Variants in TBC1D9 observed in about 807,000 individuals in gnomAD.
The protein encoded by TBC1D9 is TBC1 domain family member 9, also known as TBC1 domain family member 9A.
A neutral mutation model predicts 132.0 loss-of-function variants in TBC1D9; 63 were observed. The observed-to-expected ratio is 0.48, with a 90% CI of 0.39 to 0.59. TBC1D9 has a LOEUF of 0.59. Among genes scored for constraint, TBC1D9 ranks in the 20% least tolerant of loss-of-function variants. The pLI is 0.00. For synonymous variants in TBC1D9, 610 were observed against 609.9 expected, an observed-to-expected ratio of 1.00 and a Z score of 0.00; for missense variants, 1,261 against 1,592.7, an observed-to-expected ratio of 0.79 and a Z score of 3.54.
At position 140,620,844 on chromosome 4, in the gene TBC1D9, T is replaced by C. The variant is rs1204300586; in HGVS notation, c.*1351A>G. Reference sequence around the variant, plus strand: ...CCTATTTGAGGTTAACACTACTTCATTTGACAGTTTAAAAATCATCCTGTA... The same window carrying C: ...CCTATTTGAGGTTAACACTACTTCACTTGACAGTTTAAAAATCATCCTGTA... On this transcript the variant is annotated 3_prime_UTR_variant, in exon 21 of 21. Transcript: ENST00000442267. The C allele has an allele frequency of 6.6e-6, 1 of 152,616 alleles. No homozygotes were observed. Among genetic ancestry groups the C allele is most frequent in the African/African-American group, 2.4e-5 (1 of 41,446 alleles). 9.5% of individuals were successfully genotyped at this position (152,616 alleles called of 1,614,324 possible).
Position 140,622,316 on chromosome 4 carries a change from A to C in TBC1D9, c.3680T>G (p.Val1227Gly), listed in dbSNP as rs758690641. 3.1e-6 allele frequency: 5 copies of C among 1,613,630 alleles called. No individual in the cohort carries two copies. In the African/African-American group the frequency reaches 5.3e-5, roughly 17 times the overall value. Residue 1227 changes from valine to glycine, a missense_variant, in exon 21 of 21, where the codon GTC (valine) becomes GGC (glycine). By Grantham distance (109) the Val-to-Gly change is moderately radical (BLOSUM62 -3). This residue lies in a region of TBC1D9 where 618 missense variants were observed against 724.4 expected (regional missense o/e 0.85). Transcript: ENST00000442267. ...GCACACGGGCTTGTCAAAGTACTTG[A>C]CCAGGGCAGGCTCAGTTAAGAGGGA... ...LASLLTEPAL[V>G]KYFDKPVCMM... is the part of the protein sequence containing the mutation.
At chr4:140,665,802 G>C (rs1238078952) in intron 9 of TBC1D9, among the ~76,000 whole-genome samples, 1 of 151,968 alleles carries the variant, frequency 6.6e-6, no homozygotes, top group East Asian at 1.9e-4. Flanking sequence ...TCAGATTCTT[G>C]AGTAGCTGGG....
intron 13 of TBC1D9, chr4:140,642,658 C>G: frequency 1.4e-6 from 1 of 695,644 alleles, no homozygotes; most frequent in East Asian, 2.5e-5. Context: ...CATCCCAAGT[C>G]TGGTTCCTCT....
chr4:140,736,014 A>C lies in TBC1D9; in HGVS notation c.130+19902T>G, dbSNP rs1738668201. 2.6e-5 allele frequency among the ~76,000 whole-genome samples: 4 copies of C among 152,224 alleles called. No homozygotes were observed. In the South Asian group the frequency reaches 8.3e-4, roughly 31 times the overall value. ...GCTTTTCTGGGCAAACACACCCTGAAACTGGAATGATACTGACAAGATTAT... is the reference window on the plus strand; with the variant it reads ...GCTTTTCTGGGCAAACACACCCTGACACTGGAATGATACTGACAAGATTAT... On this transcript the variant is annotated intron_variant, in intron 1 of 20. Transcript: ENST00000442267.
chr4:140,645,713 T>C (rs908684653), intron 13 of TBC1D9, among the ~76,000 whole-genome samples: 1 of 152,182 alleles, frequency 6.6e-6, no homozygotes, highest in African/African-American at 2.4e-5. Context: ...CCTTTCACAA[T>C]GCCCTCTCTG....
intron 1 of TBC1D9, among the ~76,000 whole-genome samples, chr4:140,741,303 C>A (rs924502855): frequency 1.3e-5 from 2 of 152,196 alleles, no homozygotes; most frequent in African/African-American, 4.8e-5. Context: ...AGTGGCCCTG[C>A]AAAGCTATCT....
chr4:140,700,516 C>T (rs1738050487), intron 2 of TBC1D9, among the ~76,000 whole-genome samples: 1 of 151,432 alleles, frequency 6.6e-6, no homozygotes, highest in Admixed American at 6.6e-5. Context: ...CCAATAAAAG[C>T]AAGATTAAAA....
intron 1 of TBC1D9, among the ~76,000 whole-genome samples, chr4:140,730,170 G>A (rs1034255800): frequency 4.6e-5 from 7 of 152,190 alleles, no homozygotes; most frequent in Non-Finnish European, 7.3e-5. Context: ...TTTTCTAAGA[G>A]TTGAATCCTT....
chr4:140,669,840 C>T, intron 7 of TBC1D9, 36 bp from the exon 8 acceptor site: 1 of 1,581,364 alleles, frequency 6.3e-7, no homozygotes, highest in Non-Finnish European at 8.7e-7. Flanking sequence ...ATTGGGAGGA[C>T]ACGGGCAATA....
At chr4:140,628,071 C>CCTGCT (rs1377909803) in intron 17 of TBC1D9, among the ~76,000 whole-genome samples, 4 of 152,162 alleles carry the variant, frequency 2.6e-5, no homozygotes, top group Admixed American at 6.5e-5. Context: ...CAGATGCCTG[C>CCTGCT]CTGCTCTTTT....
chr4:140,676,781 A>G (rs1267980324), intron 6 of TBC1D9, 113 bp downstream of exon 6: 3 of 1,403,306 alleles, frequency 2.1e-6, no homozygotes, highest in South Asian at 1.4e-5. Context: ...CCAAAGACGC[A>G]TGAACATTCA....
chr4:140,754,217 T>A (rs180918163), intron 1 of TBC1D9, among the ~76,000 whole-genome samples: 9 of 152,256 alleles, frequency 5.9e-5, no homozygotes, highest in African/African-American at 1.7e-4. Context: ...CACAGGTAAA[T>A]GAATACTTAA....
intron 1 of TBC1D9, among the ~76,000 whole-genome samples, chr4:140,709,242 T>TCACACACACACA (rs1351887682): frequency 9.4e-6 from 1 of 106,858 alleles, no homozygotes; most frequent in African/African-American, 4.3e-5. Context: ...TCTCTCTCTC[T>TCACACACACACA]CTCTCTCACA....
intron 13 of TBC1D9, chr4:140,644,002 G>A: frequency 1.9e-6 from 1 of 521,946 alleles, no homozygotes. Context: ...TCCCGCAGCG[G>A]CTCTGGGATC....
intron 16 of TBC1D9, 83 bp downstream of exon 16, chr4:140,633,865 T>G: frequency 6.5e-7 from 1 of 1,535,650 alleles, no homozygotes; most frequent in Non-Finnish European, 8.8e-7. Context: ...CTTGTGCTTC[T>G]GTAGCCCTGA....
intron 1 of TBC1D9, among the ~76,000 whole-genome samples, chr4:140,754,633 A>AAG (rs1214947254): frequency 1.3e-5 from 2 of 150,008 alleles, no homozygotes; most frequent in Non-Finnish European, 3.0e-5. Context: ...AAAAAAAAAA[A>AAG]AAAAAAAAAA....
At position 140,679,814 on chromosome 4, in the gene TBC1D9, A is replaced by G. The variant is rs548757847; in HGVS notation, c.390T>C (p.Asn130=). ...CCGTGTCATCATCTTCCTTTACATCATTGATTTTGTTGTATTCTGCAATGA... is the reference window on the plus strand; with the variant it reads ...CCGTGTCATCATCTTCCTTTACATCGTTGATTTTGTTGTATTCTGCAATGA... ...QGIIAEYNKI[N]DVKEDDDTEK... The change falls in exon 4 of 21, where the codon AAT becomes AAC. Residue 130 remains asparagine (N), a synonymous_variant. Coordinates refer to ENST00000442267, the MANE Select transcript of TBC1D9 (RefSeq NM_015130.3). 3 of 1,613,388 alleles carry G rather than the reference A, an allele frequency of 1.9e-6. No individual in the cohort carries two copies. In the Admixed American group the frequency reaches 5.0e-5, roughly 27 times the overall value.
rs531691796 is a variant in TBC1D9, at chr4:140,706,912, A to G, written c.131-5298T>C. Among the ~76,000 whole-genome samples, 1 of 152,316 alleles carries G rather than the reference A, an allele frequency of 6.6e-6. No homozygotes were observed. The highest frequency in any genetic ancestry group is 2.1e-4 in the South Asian group (1 of 4,822). Reference sequence around the variant, plus strand: ...TTTCCTAGTAAAGGACATTGGATCTATCCACACTTTTTGCTCTATTATGCA... The same window carrying G: ...TTTCCTAGTAAAGGACATTGGATCTGTCCACACTTTTTGCTCTATTATGCA... On this transcript the variant is annotated intron_variant, in intron 1 of 20. Transcript: ENST00000442267. This position sits in a 1 kb window ranked among gnomAD's most constrained non-coding sequence, Gnocchi z 4.0.
chr4:140,649,341 GC>G (rs1737150837), intron 13 of TBC1D9, among the ~76,000 whole-genome samples: 2 of 152,214 alleles, frequency 1.3e-5, no homozygotes, highest in Non-Finnish European at 2.9e-5. Context: ...TGCTCAAAAT[GC>G]CTCTTTGGTG....
Sources: gnomAD v4.1 joint callset for allele counts (sites outside exome capture counted in the v4.1 genomes callset) on GRCh38, gnomAD v4.1.1 for gene constraint, gnomAD v4.1.1 regional missense constraint, Gnocchi (gnomAD v3.1) non-coding constraint, MANE v1.5 for transcripts, NCBI Gene and HGNC (gene_info 2026-07-23, HGNC 2026-07-21) for gene names.